SLC16A12: variants seen among roughly 807,000 people sequenced by gnomAD.
SLC16A12 encodes solute carrier family 16 member 12, also known as monocarboxylate transporter 12.
SLC16A12 carries 17 observed loss-of-function variants against 42.4 expected under a neutral mutation model. The ratio of observed to expected loss-of-function variants is 0.40; its 90% CI spans 0.27 to 0.60. The LOEUF (loss-of-function observed/expected upper bound fraction) is 0.60. Among genes scored for constraint, SLC16A12 ranks in the 20% least tolerant of loss-of-function variants. The probability of loss-of-function intolerance (pLI) is 0.42; values close to 1 mark genes in which losing one functional copy is unlikely to be tolerated. For synonymous variants in SLC16A12, 224 were observed against 229.4 expected (o/e 0.98, Z 0.21); for missense variants, 544 against 623.0 (o/e 0.87, Z 1.35).
At chr10:89,555,640 TACATATATATACAGATATGTATATATAC>T (rs1179616408) in intron 2 of SLC16A12, among the ~76,000 whole-genome samples, 16 of 145,140 alleles carry the variant, frequency 1.1e-4, no homozygotes, top group African/African-American at 4.1e-4. Context: ...TACACATATA[TACATATATATACAGATATGTATATATAC>T]ACATATATAC....
At chr10:89,539,862 T>TTTCC (rs1843701292), upstream of SLC16A12, among the ~76,000 whole-genome samples, 4 of 118,806 alleles carry the variant, frequency 3.4e-5, no homozygotes, top group South Asian at 1.0e-3. Context: ...CAAATTTTTC[T>TTTCC]TTCTTTCTTT....
At chr10:89,460,738 C>T (rs912018858) in intron 3 of SLC16A12, among the ~76,000 whole-genome samples, 1 of 112,540 alleles carries the variant, frequency 8.9e-6, no homozygotes, top group South Asian at 2.9e-4. Flanking sequence ...GAGGGAGACA[C>T]TGTCTCAAAA....
intron 2 of SLC16A12, among the ~76,000 whole-genome samples, chr10:89,492,387 C>A (rs1429352166): frequency 1.3e-5 from 2 of 151,778 alleles, no homozygotes; most frequent in African/African-American, 2.4e-5. Context: ...TTTTTAGGAA[C>A]AAGAATGGGG....
chr10:89,515,275 A>C (rs1843232135), intron 2 of SLC16A12, among the ~76,000 whole-genome samples: 1 of 152,188 alleles, frequency 6.6e-6, no homozygotes, highest in South Asian at 2.1e-4. Context: ...CCAGTGAAAA[A>C]TCCCCCACAT....
At chr10:89,517,634 G>A (rs1477023328) in intron 2 of SLC16A12, among the ~76,000 whole-genome samples, 1 of 152,108 alleles carries the variant, frequency 6.6e-6, no homozygotes, top group Non-Finnish European at 1.5e-5. Context: ...ATAGAGGAAT[G>A]TCATTACTTT....
chr10:89,439,172 C>T lies in SLC16A12; in HGVS notation c.460G>A (p.Ala154Thr). ...TLGVLTGLGF[A>T]LCYSPAIAMV... is the part of the protein sequence containing the mutation. ...GCAATAGCTGGAGAGTAACAAAGTGCAAATCCAAGACCTGAGGATAAAGAG... is the reference window on the plus strand; with the variant it reads ...GCAATAGCTGGAGAGTAACAAAGTGTAAATCCAAGACCTGAGGATAAAGAG... Residue 154 changes from alanine to threonine, a missense_variant, in exon 6 of 8, where the codon GCA (alanine) becomes ACA (threonine). Physicochemically the swap from Ala to Thr is moderately conservative, Grantham distance 58. Transcript: ENST00000371790. 6.2e-7 allele frequency: 1 copy of T among 1,614,074 alleles called. No individual in the cohort carries two copies. Among genetic ancestry groups the T allele is most frequent in the Non-Finnish European group, 8.5e-7 (1 of 1,180,006 alleles).
chr10:89,509,330 C>T (rs777662393), intron 2 of SLC16A12, among the ~76,000 whole-genome samples: 5 of 152,036 alleles, frequency 3.3e-5, no homozygotes, highest in Non-Finnish European at 5.9e-5. Flanking sequence ...CGAACATCAA[C>T]GTGAAAATTC....
chr10:89,540,233 G>A (rs1843707428), upstream of SLC16A12, among the ~76,000 whole-genome samples: 2 of 152,004 alleles, frequency 1.3e-5, no homozygotes, highest in South Asian at 2.1e-4. Flanking sequence ...CAAGTAGCTG[G>A]GACTACAGCC....
intron 2 of SLC16A12, among the ~76,000 whole-genome samples, chr10:89,532,241 T>C (rs1843566889): frequency 6.6e-6 from 1 of 152,104 alleles, no homozygotes. Flanking sequence ...CAATGCGCGG[T>C]AAATGAAGGA....
At chr10:89,513,533 A>G (rs1214045711) in intron 2 of SLC16A12, among the ~76,000 whole-genome samples, 2 of 152,254 alleles carry the variant, frequency 1.3e-5, no homozygotes, top group Non-Finnish European at 2.9e-5. Flanking sequence ...ATATTTATTT[A>G]CCACTTGCAT....
At position 89,435,958 on chromosome 10, in the gene SLC16A12, A is replaced by G. The variant is rs1841776828; in HGVS notation, c.1288+102T>C. ...CCCTTTTCTCTTTCACTCTTCCCCA[A>G]CTCTCTTGACAGTCCTTCTCATTGA... On this transcript the variant is annotated intron_variant, in intron 7 of 7. Coordinates refer to ENST00000371790, the MANE Select transcript of SLC16A12 (RefSeq NM_213606.4). The G allele has an allele frequency of 1.1e-5, 17 of 1,527,750 alleles. No homozygotes were observed. The East Asian group carries it at 3.9e-4, about 35-fold the overall frequency. 94.6% of individuals were successfully genotyped at this position (1,527,750 alleles called of 1,614,324 possible). A position where few individuals can be genotyped will look rare whatever the true frequency, so the allele number is the denominator to read the frequency against.
At chr10:89,489,626 G>A (rs1186633564) in intron 2 of SLC16A12, among the ~76,000 whole-genome samples, 1 of 152,154 alleles carries the variant, frequency 6.6e-6, no homozygotes, top group Admixed American at 6.5e-5. Flanking sequence ...ATAGGCATGA[G>A]CCACCGTGCC....
chr10:89,472,743 T>C (rs1295302148), intron 2 of SLC16A12, among the ~76,000 whole-genome samples: 1 of 152,044 alleles, frequency 6.6e-6, no homozygotes, highest in Non-Finnish European at 1.5e-5. Flanking sequence ...TCCACCTGCC[T>C]TGGCCTCCCA....
intron 2 of SLC16A12, among the ~76,000 whole-genome samples, chr10:89,550,733 A>G (rs1843765789): frequency 6.7e-6 from 1 of 150,248 alleles, no homozygotes; most frequent in Non-Finnish European, 1.5e-5. Flanking sequence ...TTCTCTGGGC[A>G]CCAAGCCAGG....
intron 4 of SLC16A12, among the ~76,000 whole-genome samples, 179 bp from the exon 5 acceptor site, chr10:89,441,430 T>TTGTCC (rs1211502959): frequency 1.3e-5 from 2 of 152,100 alleles, no homozygotes; most frequent in African/African-American, 4.8e-5. Context: ...CCACAGATAA[T>TTGTCC]AAGCAGCAGG....
intron 3 of SLC16A12, among the ~76,000 whole-genome samples, chr10:89,449,932 A>C (rs190371340): frequency 4.5e-4 from 69 of 152,366 alleles, no homozygotes; most frequent in Middle Eastern, 3.4e-3. Context: ...AAACAACCCC[A>C]TCAAAAAGGT....
At chr10:89,473,243 A>G (rs367721043) in intron 2 of SLC16A12, among the ~76,000 whole-genome samples, 1 of 152,168 alleles carries the variant, frequency 6.6e-6, no homozygotes, top group Non-Finnish European at 1.5e-5. Context: ...GAAGACTTAC[A>G]TTAACTGATT....
At chr10:89,539,857 T>TTATCTTTC (rs1843700705), upstream of SLC16A12, among the ~76,000 whole-genome samples, 1 of 127,858 alleles carries the variant, frequency 7.8e-6, no homozygotes, top group African/African-American at 3.1e-5. Context: ...AGAAACAAAT[T>TTATCTTTC]TTTCTTTCTT....
chr10:89,517,045 A>G (rs1843264310), intron 2 of SLC16A12, among the ~76,000 whole-genome samples: 1 of 152,084 alleles, frequency 6.6e-6, no homozygotes, highest in Admixed American at 6.5e-5. Flanking sequence ...CAACGCAACA[A>G]GACTCCCATC....
Sources: allele counts gnomAD v4.1 joint callset (sites outside exome capture counted in the v4.1 genomes callset), GRCh38; gene constraint gnomAD v4.1.1; transcripts MANE v1.5; gene names NCBI Gene and HGNC (gene_info 2026-07-23, HGNC 2026-07-21).